The following CASTOR2 variants were observed in gnomAD, a reference collection of about 807,000 sequenced individuals.
CASTOR2 encodes the protein cytosolic arginine sensor for mTORC1 subunit 2.
In CASTOR2, 8 loss-of-function variants were observed where a neutral mutation model predicts 31.2. That is an observed-to-expected ratio of 0.26 (90% CI 0.15 to 0.46). The LOEUF (loss-of-function observed/expected upper bound fraction) is 0.46, where lower values mean the gene tolerates loss of function less well. Among genes scored for constraint, CASTOR2 ranks in the 20% least tolerant of loss-of-function variants. The pLI, the probability that CASTOR2 is intolerant of heterozygous loss-of-function variation, is 0.99. For synonymous variants in CASTOR2, 162 were observed against 158.7 expected (o/e 1.02, Z -0.16); for missense variants, 216 against 382.1 (o/e 0.57, Z 3.62).
chr7:75,012,406 G>A (rs1477248731), intron 2 of CASTOR2, among the ~76,000 whole-genome samples: 155 of 152,072 alleles, frequency 1.0e-3, no homozygotes, highest in Non-Finnish European at 1.7e-3. Context: ...AGGTTCAAGC[G>A]ATTCTCCTGC....
In CASTOR2 at chr7:75,026,753, A is replaced by G. The variant is rs1805146290; in HGVS notation, c.*2054A>G. Among the ~76,000 whole-genome samples, 2 of 152,058 alleles carry G rather than the reference A, an allele frequency of 1.3e-5. No homozygotes were observed. Among genetic ancestry groups the G allele is most frequent in the African/African-American group, 2.4e-5 (1 of 41,400 alleles). Reference sequence around the variant, plus strand: ...CAAAAGGGAGGTGGCCAAGTGGGGCAGGGCTGTGGTGGAAGCCCTGAGTCC... The same window carrying G: ...CAAAAGGGAGGTGGCCAAGTGGGGCGGGGCTGTGGTGGAAGCCCTGAGTCC... On this transcript the variant is annotated 3_prime_UTR_variant, in exon 9 of 9. Coordinates refer to ENST00000616305, the MANE Select transcript of CASTOR2 (RefSeq NM_001145064.3).
At chr7:74,993,508 T>A (rs1554437577) in intron 1 of CASTOR2, among the ~76,000 whole-genome samples, 7 of 146,928 alleles carry the variant, frequency 4.8e-5, no homozygotes, top group Non-Finnish European at 1.0e-4. Flanking sequence ...TGGAGTGCAG[T>A]GGTGTGATCT....
At chr7:75,003,430 A>G (rs1409570337) in intron 1 of CASTOR2, among the ~76,000 whole-genome samples, 4 of 151,444 alleles carry the variant, frequency 2.6e-5, no homozygotes, top group Non-Finnish European at 5.9e-5. Context: ...AGCCTGGGCA[A>G]CAGAGCAAGA....
intron 2 of CASTOR2, among the ~76,000 whole-genome samples, chr7:75,013,149 C>T (rs587757068): frequency 1.8e-4 from 27 of 152,312 alleles, no homozygotes; most frequent in Admixed American, 7.2e-4. Context: ...AAACCTCCAG[C>T]GCTGCAAACA....
At chr7:74,988,455 G>A (rs1804125129) in intron 1 of CASTOR2, among the ~76,000 whole-genome samples, 1 of 151,944 alleles carries the variant, frequency 6.6e-6, no homozygotes, top group Non-Finnish European at 1.5e-5. Flanking sequence ...CTGCCACTGC[G>A]CCCAGCTAAT....
chr7:75,007,142 A>G (rs1804624863), intron 1 of CASTOR2, among the ~76,000 whole-genome samples: 2 of 151,756 alleles, frequency 1.3e-5, no homozygotes, highest in Non-Finnish European at 2.9e-5. Flanking sequence ...TGCCTGCAAT[A>G]CTCTCTAGGG....
intron 2 of CASTOR2, among the ~76,000 whole-genome samples, chr7:75,008,322 C>T (rs1310429393): frequency 6.6e-6 from 1 of 152,238 alleles, no homozygotes; most frequent in South Asian, 2.1e-4. Context: ...AGGAAAGACT[C>T]CTGAGTAGTA....
intron 1 of CASTOR2, among the ~76,000 whole-genome samples, chr7:75,003,069 C>T (rs1804532064): frequency 6.6e-6 from 1 of 152,002 alleles, no homozygotes; most frequent in African/African-American, 2.4e-5. Flanking sequence ...CTTCAAGAAG[C>T]AAGGACAGGA....
intron 7 of CASTOR2, among the ~76,000 whole-genome samples, chr7:75,023,262 G>T (rs1197672753): frequency 6.6e-6 from 1 of 151,678 alleles, no homozygotes; most frequent in African/African-American, 2.4e-5. Flanking sequence ...AAGCCGAGAT[G>T]GCGCCACTGC....
intron 1 of CASTOR2, among the ~76,000 whole-genome samples, chr7:75,006,652 A>T (rs1804611908): frequency 6.6e-6 from 1 of 152,154 alleles, no homozygotes; most frequent in Non-Finnish European, 1.5e-5. Context: ...CCACGTGTCA[A>T]GGGTGGGGGC....
chr7:74,986,171 C>T (rs1804060913), intron 1 of CASTOR2, among the ~76,000 whole-genome samples: 1 of 150,918 alleles, frequency 6.6e-6, no homozygotes, highest in African/African-American at 2.4e-5. Flanking sequence ...CTCAAGTGAT[C>T]AGCCCTCCTT....
At position 75,018,088 on chromosome 7, in the gene CASTOR2, C is replaced by T. The variant is rs1363806338; in HGVS notation, c.477C>T (p.Leu159=). 1.9e-5 allele frequency: 30 copies of T among 1,614,018 alleles called. No individual in the cohort carries two copies. In the East Asian group the frequency reaches 2.0e-4, roughly 11 times the overall value. ...VNGETVAAEN[L]GITNGFVKPK... is the part of the protein sequence containing the mutation. Reference sequence around the variant, plus strand: ...GCGAGACCGTGGCAGCCGAGAACCTCGGCATCACCAATGGCTTCGTGAAGC... The same window carrying T: ...GCGAGACCGTGGCAGCCGAGAACCTTGGCATCACCAATGGCTTCGTGAAGC... The change falls in exon 4 of 9, where the codon CTC becomes CTT. Residue 159 remains leucine, a synonymous_variant. Coordinates refer to ENST00000616305, the MANE Select transcript of CASTOR2 (RefSeq NM_001145064.3).
intron 6 of CASTOR2, among the ~76,000 whole-genome samples, chr7:75,021,495 G>A (rs71539255): frequency 0.21 from 32,236 of 152,106 alleles, 3,620 homozygotes; most frequent in Middle Eastern, 0.37. Flanking sequence ...GCTCAGAGAG[G>A]TGCAGGGGTT....
chr7:74,986,383 C>T (rs1469244978), intron 1 of CASTOR2, among the ~76,000 whole-genome samples: 18 of 150,772 alleles, frequency 1.2e-4, no homozygotes, highest in South Asian at 1.0e-3. Flanking sequence ...CCCAGCTACT[C>T]GGGAGGCTGA....
At position 75,027,610 on chromosome 7, in the gene CASTOR2, G is replaced by A. The variant is rs920215320; in HGVS notation, c.*2911G>A. The A allele has an allele frequency of 1.0e-5, 2 of 198,176 alleles. No homozygotes were observed. The highest frequency in any genetic ancestry group is 2.1e-5 in the Non-Finnish European group (2 of 95,948). 12.3% of individuals were successfully genotyped at this position (198,176 alleles called of 1,614,324 possible). On this transcript the variant is annotated 3_prime_UTR_variant, in exon 9 of 9. Transcript: ENST00000616305. ...CCTCGTGTCATGGAGAAAAGCATGT[G>A]TGTCGGGGCGCGCTGGGGCCAGGGT...
chr7:75,022,048 G>C, intron 7 of CASTOR2, 92 bp downstream of exon 7: 1 of 1,446,878 alleles, frequency 6.9e-7, no homozygotes, highest in East Asian at 2.5e-5. Flanking sequence ...GGCCCCTGCT[G>C]GGGGGTACAG....
chr7:74,995,509 AT>A (rs1384495598), intron 1 of CASTOR2, among the ~76,000 whole-genome samples: 6 of 112,214 alleles, frequency 5.3e-5, no homozygotes, highest in East Asian at 2.9e-4. Context: ...TTACAAAAAA[AT>A]GAAAAAAAAA....
At chr7:75,019,905 A>G (rs1804953226) in intron 5 of CASTOR2, 134 bp from the exon 6 acceptor site, 1 of 723,172 alleles carries the variant, frequency 1.4e-6, no homozygotes, top group South Asian at 1.9e-5. Context: ...CATAGCGAGC[A>G]GGATGAGAAG....
chr7:74,967,536 CTTTTTT>C (rs1185507666), intron 1 of CASTOR2, among the ~76,000 whole-genome samples: 1 of 43,516 alleles, frequency 2.3e-5, no homozygotes, highest in African/African-American at 7.1e-5. Flanking sequence ...CACCTGTTTA[CTTTTTT>C]TTTTTTTTTT....
Sources: gnomAD v4.1 joint callset for allele counts (sites outside exome capture counted in the v4.1 genomes callset) on GRCh38, gnomAD v4.1.1 for gene constraint, MANE v1.5 for transcripts, NCBI Gene and HGNC (gene_info 2026-07-23, HGNC 2026-07-21) for gene names.